Variants in FMN1 observed in about 807,000 individuals in gnomAD.
FMN1 encodes formin 1, also known as formin-1.
Under a neutral mutation model 132.4 loss-of-function variants are expected in FMN1, and 110 were observed. The observed-to-expected ratio is 0.83, with a 90% CI of 0.71 to 0.97. The LOEUF is 0.97. FMN1 is among the 50% of genes least tolerant of loss of function. FMN1 has a pLI of 0.00. For missense variants in FMN1, 1,792 were observed against 1,705.3 expected (o/e 1.05, Z -0.90); for synonymous variants, 722 against 651.7 (o/e 1.11, Z -1.64).
intron 4 of FMN1, among the ~76,000 whole-genome samples, chr15:33,127,268 A>G (rs1963179852): frequency 6.6e-6 from 1 of 152,156 alleles, no homozygotes; most frequent in Non-Finnish European, 1.5e-5. Context: ...CTCCCTCCTT[A>G]TTCTTCACAA....
intron 9 of FMN1, among the ~76,000 whole-genome samples, chr15:32,951,456 C>T (rs940508715): frequency 2.8e-5 from 4 of 143,278 alleles, no homozygotes; most frequent in South Asian, 2.3e-4. Context: ...CACACACACA[C>T]ATCCACGCAC....
At chr15:32,890,551 C>T (rs1232023628) in intron 15 of FMN1, among the ~76,000 whole-genome samples, 2 of 152,126 alleles carry the variant, frequency 1.3e-5, no homozygotes, top group African/African-American at 2.4e-5. Context: ...TGTTTGTTGG[C>T]CATTTGTATA....
intron 6 of FMN1, among the ~76,000 whole-genome samples, chr15:33,054,820 A>C (rs2037142994): frequency 6.6e-6 from 1 of 152,240 alleles, no homozygotes; most frequent in Non-Finnish European, 1.5e-5. Context: ...TATATTGCCT[A>C]ATTATTCATA....
At chr15:33,078,496 A>G (rs576235985) in intron 5 of FMN1, among the ~76,000 whole-genome samples, 2 of 152,348 alleles carry the variant, frequency 1.3e-5, no homozygotes, top group Admixed American at 1.3e-4. Context: ...TCCTAGAATC[A>G]AAGTCACATA....
intron 7 of FMN1, among the ~76,000 whole-genome samples, chr15:32,981,353 GCGGTGGCAGGCACTTGTAGTCCCAGC>G (rs1171591911): frequency 6.9e-4 from 104 of 151,550 alleles, no homozygotes; most frequent in South Asian, 6.1e-3. Flanking sequence ...ATTAGCCGGC[GCGGTGGCAGGCACTTGTAGTCCCAGC>G]CGGTGGCAGG....
At chr15:33,016,886 A>G (rs2035080392) in intron 6 of FMN1, among the ~76,000 whole-genome samples, 1 of 152,202 alleles carries the variant, frequency 6.6e-6, no homozygotes, top group Non-Finnish European at 1.5e-5. Flanking sequence ...GTTGAACGCC[A>G]TAAAAACCCC....
chr15:32,896,010 T>C (rs2060146258), intron 15 of FMN1, among the ~76,000 whole-genome samples: 1 of 152,128 alleles, frequency 6.6e-6, no homozygotes, highest in Non-Finnish European at 1.5e-5. Flanking sequence ...TCTTATTGAT[T>C]TTATTTTTCA....
intron 10 of FMN1, 115 bp downstream of exon 10, chr15:32,926,059 T>G: frequency 1.6e-6 from 1 of 636,342 alleles, no homozygotes; most frequent in Non-Finnish European, 2.7e-6. Flanking sequence ...AGCTGAGTAT[T>G]GGGTATATAG....
At chr15:33,173,140 C>G (rs2140324975) in intron 3 of FMN1, among the ~76,000 whole-genome samples, 1 of 152,180 alleles carries the variant, frequency 6.6e-6, no homozygotes, top group East Asian at 1.9e-4. Flanking sequence ...CTTTGTGAAA[C>G]TGATGAATAA....
Position 33,064,982 on chromosome 15 carries a change from T to C in FMN1, c.2136A>G (p.Lys712=), listed in dbSNP as rs200750182. 29 of 1,612,200 alleles carry C rather than the reference T, an allele frequency of 1.8e-5. No individual in the cohort carries two copies. The African/African-American group carries it at 3.7e-4, about 21-fold the overall frequency. Residue 712 remains lysine (K), a synonymous_variant, in exon 6 of 21, where the codon AAA becomes AAG. Coordinates refer to ENST00000616417, the MANE Select transcript of FMN1 (RefSeq NM_001277313.2). ...PPPKTKDTEE[K]VGLKYTEAEY... is the part of the protein sequence containing the mutation. ...CTGCTTCAGTGTACTTCAGTCCCAC[T>C]TTTTCTTCTGTGTCTTTTGTCTTTG... is the stretch of plus-strand genomic sequence containing the variant.
intron 3 of FMN1, among the ~76,000 whole-genome samples, chr15:33,161,654 C>T (rs180943162): frequency 2.1e-3 from 319 of 152,284 alleles, no homozygotes; most frequent in African/African-American, 6.0e-3. Flanking sequence ...CGCAGTGGCT[C>T]ACGCCTGTAA....
chr15:32,808,933 G>T (rs1434897460), intron 17 of FMN1, among the ~76,000 whole-genome samples: 3 of 149,992 alleles, frequency 2.0e-5, no homozygotes, highest in Non-Finnish European at 4.4e-5. Flanking sequence ...TCACTGAGCT[G>T]ATGTCCTTAG....
intron 5 of FMN1, among the ~76,000 whole-genome samples, chr15:33,088,077 G>A (rs1331791281): frequency 4.6e-5 from 7 of 152,048 alleles, no homozygotes; most frequent in Non-Finnish European, 7.4e-5. Context: ...TGGGGGAAGC[G>A]AAGGATAAAG....
chr15:32,948,873 C>T (rs2061564724), intron 9 of FMN1, among the ~76,000 whole-genome samples: 1 of 151,928 alleles, frequency 6.6e-6, no homozygotes, highest in African/African-American at 2.4e-5. Context: ...GGTTAAACCA[C>T]AGAAAATTGC....
At chr15:32,879,932 C>A (rs964134838) in intron 16 of FMN1, among the ~76,000 whole-genome samples, 3 of 152,074 alleles carry the variant, frequency 2.0e-5, no homozygotes, top group African/African-American at 4.8e-5. Flanking sequence ...ACTTTAAGAA[C>A]AGCAGTCCCC....
At chr15:33,067,223 T>C (rs1485392266) in intron 5 of FMN1, 2 of 1,613,356 alleles carry the variant, frequency 1.2e-6, no homozygotes, top group Non-Finnish European at 1.7e-6. Context: ...AAGACCACCG[T>C]TGCCAGCTTC....
chr15:33,060,066 A>G (rs2037415340), intron 6 of FMN1, among the ~76,000 whole-genome samples: 1 of 152,246 alleles, frequency 6.6e-6, no homozygotes, highest in African/African-American at 2.4e-5. Flanking sequence ...CACAAACTGC[A>G]AGACTTTTCT....
At chr15:32,798,216 A>ACACACCCC (rs1286307994) in intron 19 of FMN1, among the ~76,000 whole-genome samples, 57 of 140,982 alleles carry the variant, frequency 4.0e-4, no homozygotes, top group African/African-American at 1.4e-3. Context: ...ACACACACAC[A>ACACACCCC]CCCCGTCTAT....
At chr15:32,917,286 T>C (rs2060707717) in intron 10 of FMN1, among the ~76,000 whole-genome samples, 1 of 152,222 alleles carries the variant, frequency 6.6e-6, no homozygotes, top group African/African-American at 2.4e-5. Context: ...CTACAACCTA[T>C]ACCTTGTGTT....
Sources: gnomAD v4.1 joint callset for allele counts (sites outside exome capture counted in the v4.1 genomes callset) on GRCh38, gnomAD v4.1.1 for gene constraint, MANE v1.5 for transcripts, NCBI Gene and HGNC (gene_info 2026-07-23, HGNC 2026-07-21) for gene names.